Variants in TAPBPL observed in about 807,000 individuals in gnomAD.
TAPBPL encodes the protein tapasin-related protein.
TAPBPL carries 32 observed loss-of-function variants against 44.8 expected under a neutral mutation model. That is an observed-to-expected ratio of 0.71 (90% CI 0.54 to 0.96). TAPBPL has a LOEUF of 0.96. Ranked by LOEUF, TAPBPL falls within the 40% of genes least tolerant of loss-of-function variation. TAPBPL has a pLI of 0.00. For synonymous variants in TAPBPL, 230 were observed against 240.7 expected (o/e 0.96, Z 0.41); for missense variants, 520 against 586.6 (o/e 0.89, Z 1.17).
downstream of TAPBPL, among the ~76,000 whole-genome samples, chr12:6,470,372 C>T (rs1011814947): frequency 6.6e-6 from 1 of 152,064 alleles, no homozygotes; most frequent in African/African-American, 2.4e-5. Context: ...GTGCTGGCCC[C>T]CCTCCCTGGG....
chr12:6,452,361 C>A, intron 1 of TAPBPL, 49 bp downstream of exon 1: 2 of 1,545,284 alleles, frequency 1.3e-6, no homozygotes, highest in Non-Finnish European at 1.7e-6. Context: ...GCTACTGAAG[C>A]CCCAGGGTGC....
chr12:6,470,677 T>A (rs993769491), downstream of TAPBPL: 2 of 1,028,918 alleles, frequency 1.9e-6, no homozygotes, highest in Admixed American at 2.0e-5. Context: ...TGGAACTTAC[T>A]GCAGCTGCCG....
chr12:6,466,206 G>GA, downstream of TAPBPL: 1 of 1,614,112 alleles, frequency 6.2e-7, no homozygotes, highest in African/African-American at 1.3e-5. Flanking sequence ...AACTTTCAGA[G>GA]AAACAGCTAT....
rs562259413 is a variant in TAPBPL at position 6,458,625 on chromosome 12, A to C, written c.905-20A>C. On this transcript the variant is annotated intron_variant, in intron 4 of 6. Coordinates refer to ENST00000266556, the MANE Select transcript of TAPBPL (RefSeq NM_018009.5). ...CCCAGTTAGATCCATGTGTAATCTT[A>C]TTCCTCATTCTTTCTCCAGCTTCCC... 6.8e-6 allele frequency: 11 copies of C among 1,611,014 alleles called. No individual in the cohort carries two copies. The highest frequency in any genetic ancestry group is 9.3e-6 in the Non-Finnish European group (11 of 1,177,766).
chr12:6,470,378 C>G, downstream of TAPBPL: 1 of 1,191,998 alleles, frequency 8.4e-7, no homozygotes. Flanking sequence ...GCCCCCCTCC[C>G]TGGGGGTGGC....
chr12:6,462,639 C>A, downstream of TAPBPL: 1 of 674,696 alleles, frequency 1.5e-6, no homozygotes, highest in Middle Eastern at 4.2e-4. Flanking sequence ...GGGACAGAAA[C>A]CCAGGAATGA....
At chr12:6,461,981 T>A (rs1949876936) in intron 6 of TAPBPL, 53 bp from the exon 7 acceptor site, 1 of 1,479,946 alleles carries the variant, frequency 6.8e-7, no homozygotes, top group Admixed American at 1.7e-5. Flanking sequence ...CCTGTGCTTG[T>A]TTGCCAGTGT....
At chr12:6,466,216 T>A (rs370743078), downstream of TAPBPL, 10 of 1,614,052 alleles carry the variant, frequency 6.2e-6, no homozygotes, top group Non-Finnish European at 8.5e-6. Flanking sequence ...GAAACAGCTA[T>A]CTACCTACCT....
intron 5 of TAPBPL, among the ~76,000 whole-genome samples, 178 bp from the exon 6 acceptor site, chr12:6,460,677 G>A (rs1453029963): frequency 6.6e-6 from 1 of 152,216 alleles, no homozygotes; most frequent in African/African-American, 2.4e-5. Flanking sequence ...TAACTCACAA[G>A]TATCCAGCAA....
chr12:6,464,836 G>C, downstream of TAPBPL: 1 of 1,611,590 alleles, frequency 6.2e-7, no homozygotes, highest in African/African-American at 1.3e-5. Context: ...GCAGGGAGAA[G>C]ACTCCAGGAC....
chr12:6,463,214 T>G, downstream of TAPBPL: 1 of 1,427,280 alleles, frequency 7.0e-7, no homozygotes, highest in Non-Finnish European at 9.1e-7. This position sits in a 1 kb window ranked among gnomAD's most constrained non-coding sequence, Gnocchi z 4.0. Context: ...GAAAGGGTGG[T>G]TCAAAGGGGA....
chr12:6,471,199 T>C (rs10849465), downstream of TAPBPL, among the ~76,000 whole-genome samples: 66,914 of 152,040 alleles, frequency 0.44, 15,119 homozygotes, highest in African/African-American at 0.54. This position sits in a 1 kb window ranked among gnomAD's most constrained non-coding sequence, Gnocchi z 4.0. Context: ...CACAAGCTCC[T>C]GGTGCCAGAT....
At chr12:6,452,663 G>A (rs886651731) in intron 1 of TAPBPL, 16 of 1,232,980 alleles carry the variant, frequency 1.3e-5, no homozygotes, top group Middle Eastern at 3.1e-4. Context: ...CGGGGGAGGG[G>A]AAGGCTACCC....
At position 6,453,574 on chromosome 12, in the gene TAPBPL, G is replaced by C; in HGVS notation, c.423G>C (p.Trp141Cys). The C allele has an allele frequency of 6.2e-7, 1 of 1,614,202 alleles. No individual in the cohort carries two copies. The highest frequency in any genetic ancestry group is 8.5e-7 in the Non-Finnish European group (1 of 1,180,032). ...MTETTVKTAA[W>C]FMANMQVSGG... The stretch of plus-strand genomic sequence containing the variant: ...AGACCACTGTTAAGACAGCAGCTTG[G>C]TTCATGGCCAACATGCAGGTCTCTG... The change falls in exon 3 of 7, where the codon TGG becomes TGC. Residue 141 changes from tryptophan (W) to cysteine (C), a missense_variant. Transcript: ENST00000266556. This position sits in a 1 kb window ranked among gnomAD's most constrained non-coding sequence, Gnocchi z 4.8.
At chr12:6,462,882 A>G (rs1045452), downstream of TAPBPL, 1,131,734 of 1,595,188 alleles carry the variant, frequency 0.71, 402,871 homozygotes, top group South Asian at 0.79. Context: ...CAAGGGCGAA[A>G]GGAAAGGAAG....
chr12:6,457,818 C>A, intron 4 of TAPBPL, 74 bp downstream of exon 4: 1 of 1,410,106 alleles, frequency 7.1e-7, no homozygotes. Context: ...GATTGGGACC[C>A]AAATGCAAGA....
At chr12:6,465,262 T>C (rs1221905640), downstream of TAPBPL, 1 of 443,388 alleles carries the variant, frequency 2.3e-6, no homozygotes, top group African/African-American at 2.0e-5. Flanking sequence ...TAGTTCAATT[T>C]TCACTGTGAA....
In TAPBPL at chr12:6,453,940, G is replaced by A. The variant is rs1435778954; in HGVS notation, c.565+224G>A. On this transcript the variant is annotated intron_variant, in intron 3 of 6. Transcript: ENST00000266556. This position sits in a 1 kb window ranked among gnomAD's most constrained non-coding sequence, Gnocchi z 4.8. ...TGAGGCAGGAGAATCGCTTGAACCC[G>A]GAAGGCAGAGGTTGCGGTGAGCCGA... Among the ~76,000 whole-genome samples, 10 of 145,016 alleles carry A rather than the reference G, an allele frequency of 6.9e-5. No individual in the cohort carries two copies. Among genetic ancestry groups the A allele is most frequent in the East Asian group, 2.0e-4 (1 of 4,962 alleles).
At chr12:6,465,383 T>TGTATATATATATATAA (rs1555130169), downstream of TAPBPL, 3 of 87,392 alleles carry the variant, frequency 3.4e-5, no homozygotes, top group Non-Finnish European at 4.8e-5. Context: ...AATGTATATA[T>TGTATATATATATATAA]ATGTATATAT....
Sources: gnomAD v4.1 joint callset for allele counts (sites outside exome capture counted in the v4.1 genomes callset) on GRCh38, gnomAD v4.1.1 for gene constraint, Gnocchi (gnomAD v3.1) non-coding constraint, MANE v1.5 for transcripts, NCBI Gene and HGNC (gene_info 2026-07-23, HGNC 2026-07-21) for gene names.